ZNF131: variants seen among roughly 807,000 people sequenced by gnomAD.
ZNF131 encodes the protein zinc finger and BTB domain containing 35.
A neutral mutation model predicts 60.0 loss-of-function variants in ZNF131; 7 were observed. The observed-to-expected ratio is 0.12, with a 90% CI of 0.07 to 0.22. ZNF131 has a LOEUF of 0.22. Among genes scored for constraint, ZNF131 ranks in the 10% least tolerant of loss-of-function variants. ZNF131 has a pLI of 1.00. For missense variants in ZNF131, 493 were observed against 740.9 expected, an observed-to-expected ratio of 0.67 and a Z score of 3.88; for synonymous variants, 257 against 253.2, an observed-to-expected ratio of 1.01 and a Z score of -0.14.
chr5:43,130,082 A>G (rs1745101845), intron 3 of ZNF131, among the ~76,000 whole-genome samples: 1 of 151,420 alleles, frequency 6.6e-6, no homozygotes, highest in Admixed American at 6.6e-5. Flanking sequence ...CCTGGGCAAC[A>G]CGGTGAAACC....
At position 43,174,802 on chromosome 5, in the gene ZNF131, G is replaced by C. The variant is rs969741857; in HGVS notation, c.1541G>C (p.Ser514Thr). The change falls in exon 7 of 7, where the codon AGT (serine) becomes ACT (threonine). Residue 514 changes from serine to threonine, a missense_variant. Physicochemically the swap from Ser to Thr is moderately conservative, Grantham distance 58. Transcript: ENST00000682664. The part of the protein sequence containing the change: ...QDSQVHDSHM[S>T]ELPEQVQVSY... ...AGCCAGGTGCACGATTCACACATGA[G>C]TGAGCTTCCAGAGCAGGTCCAAGTG... 6.2e-7 allele frequency: 1 copy of C among 1,614,220 alleles called. No homozygotes were observed. Among genetic ancestry groups the C allele is most frequent in the Admixed American group, 1.7e-5 (1 of 60,026 alleles).
chr5:43,140,980 A>G lies in ZNF131; in HGVS notation c.371+1671A>G, dbSNP rs146205516. Among the ~76,000 whole-genome samples, 1,194 of 152,194 alleles carry G rather than the reference A, an allele frequency of 7.8e-3. 18 individuals carry two copies. Among genetic ancestry groups the G allele is most frequent in the African/African-American group, 0.027 (1,142 of 41,534 alleles). ...GTGATCCGCCTGTCTCAGCCTCCCA[A>G]AGTGCTGGGATTACAGGTGTGAGCC... On this transcript the variant is annotated intron_variant, in intron 4 of 6. Coordinates refer to ENST00000682664, the MANE Select transcript of ZNF131 (RefSeq NM_001330707.2).
intron 4 of ZNF131, among the ~76,000 whole-genome samples, chr5:43,160,750 C>A (rs1749590355): frequency 7.4e-6 from 1 of 135,442 alleles, no homozygotes; most frequent in Non-Finnish European, 1.5e-5. Flanking sequence ...ATGGTGCGAT[C>A]TTGGCTCACC....
At chr5:43,142,795 G>C (rs996179324) in intron 4 of ZNF131, among the ~76,000 whole-genome samples, 2 of 151,532 alleles carry the variant, frequency 1.3e-5, no homozygotes, top group African/African-American at 4.9e-5. Flanking sequence ...GGCCTCAAGA[G>C]ATCCTCCCAC....
intron 4 of ZNF131, among the ~76,000 whole-genome samples, chr5:43,159,947 C>T (rs960325207): frequency 3.3e-5 from 5 of 152,012 alleles, no homozygotes; most frequent in African/African-American, 7.2e-5. Flanking sequence ...GAGGCCAAGG[C>T]GGGCAGATCA....
At chr5:43,141,908 A>G (rs1043431643) in intron 4 of ZNF131, among the ~76,000 whole-genome samples, 8 of 152,194 alleles carry the variant, frequency 5.3e-5, no homozygotes, top group African/African-American at 1.9e-4. Context: ...AAAGAGGAAG[A>G]CAGTAGTATT....
intron 4 of ZNF131, among the ~76,000 whole-genome samples, chr5:43,153,628 C>G (rs766410294): frequency 1.3e-5 from 2 of 151,916 alleles, no homozygotes; most frequent in Admixed American, 1.3e-4. Context: ...GCAACAAGAG[C>G]GAAACTCCAT....
At chr5:43,147,690 G>C (rs886474738) in intron 4 of ZNF131, among the ~76,000 whole-genome samples, 3 of 150,502 alleles carry the variant, frequency 2.0e-5, no homozygotes, top group East Asian at 3.9e-4. Context: ...CAAAGTGCTG[G>C]GATTACAGGC....
chr5:43,142,454 C>G (rs1206520029), intron 4 of ZNF131, among the ~76,000 whole-genome samples: 1 of 150,894 alleles, frequency 6.6e-6, no homozygotes, highest in Non-Finnish European at 1.5e-5. Flanking sequence ...CAGGCTTCCG[C>G]CACCACACCC....
chr5:43,140,659 C>T lies in ZNF131; in HGVS notation c.371+1350C>T, dbSNP rs573799015. On this transcript the variant is annotated intron_variant, in intron 4 of 6. Transcript: ENST00000682664. ...GGCACAATGATTTAATCTTAACTCA[C>T]TGTTGTGGTTTAGTTAAAAGATAAA... Among the ~76,000 whole-genome samples, 3 of 152,316 alleles carry T rather than the reference C, an allele frequency of 2.0e-5. No homozygotes were observed. The South Asian group carries it at 6.2e-4, about 32-fold the overall frequency.
At chr5:43,149,478 T>A (rs912224659) in intron 4 of ZNF131, among the ~76,000 whole-genome samples, 4 of 152,238 alleles carry the variant, frequency 2.6e-5, no homozygotes, top group African/African-American at 9.6e-5. Flanking sequence ...TTTTTGGCTA[T>A]TAGAAATAAA....
At chr5:43,137,888 G>A (rs1052548617) in intron 3 of ZNF131, among the ~76,000 whole-genome samples, 4 of 152,208 alleles carry the variant, frequency 2.6e-5, no homozygotes, top group African/African-American at 9.7e-5. Flanking sequence ...ATACTATTCA[G>A]CTCTTAAGAA....
chr5:43,159,816 T>G (rs1749420837), intron 4 of ZNF131, among the ~76,000 whole-genome samples: 1 of 152,192 alleles, frequency 6.6e-6, no homozygotes, highest in African/African-American at 2.4e-5. Flanking sequence ...TTAATTTTGA[T>G]GAAATCTATT....
chr5:43,159,759 T>A (rs1021832759), intron 4 of ZNF131, among the ~76,000 whole-genome samples: 1 of 152,140 alleles, frequency 6.6e-6, no homozygotes, highest in Non-Finnish European at 1.5e-5. Context: ...TATTTTCTTC[T>A]GGCCTGTGGC....
chr5:43,160,017 A>G (rs1173205161), intron 4 of ZNF131, among the ~76,000 whole-genome samples: 2 of 152,030 alleles, frequency 1.3e-5, no homozygotes, highest in Non-Finnish European at 2.9e-5. Context: ...TCTACTAAAA[A>G]TACAAAATAT....
chr5:43,158,110 A>G (rs1261953907), intron 4 of ZNF131, among the ~76,000 whole-genome samples: 1 of 152,092 alleles, frequency 6.6e-6, no homozygotes, highest in Non-Finnish European at 1.5e-5. Flanking sequence ...CTGGGATTGC[A>G]GGCATGCACC....
chr5:43,154,896 T>C (rs553825311), intron 4 of ZNF131, among the ~76,000 whole-genome samples: 1 of 152,316 alleles, frequency 6.6e-6, no homozygotes, highest in African/African-American at 2.4e-5. Context: ...AGTAGCAGAC[T>C]AAACAGCTAG....
At chr5:43,142,195 T>A (rs935052944) in intron 4 of ZNF131, among the ~76,000 whole-genome samples, 1 of 151,084 alleles carries the variant, frequency 6.6e-6, no homozygotes, top group Admixed American at 6.6e-5. Flanking sequence ...CAAAAAAAAT[T>A]AGCCAGGCGT....
chr5:43,161,165 T>A, intron 4 of ZNF131, 84 bp from the exon 5 acceptor site: 1 of 1,243,796 alleles, frequency 8.0e-7, no homozygotes, highest in East Asian at 2.3e-5. Context: ...TATATAAATT[T>A]TATTGCCACT....
Sources: allele counts gnomAD v4.1 joint callset (sites outside exome capture counted in the v4.1 genomes callset), GRCh38; gene constraint gnomAD v4.1.1; transcripts MANE v1.5; gene names NCBI Gene and HGNC (gene_info 2026-07-23, HGNC 2026-07-21).